Variants in MACROD2 observed in about 807,000 individuals in gnomAD.
MACROD2 encodes the protein ADP-ribose glycohydrolase MACROD2.
Under a neutral mutation model 70.4 loss-of-function variants are expected in MACROD2, and 36 were observed. The observed-to-expected ratio is 0.51, with a 90% confidence interval of 0.39 to 0.68. The LOEUF (loss-of-function observed/expected upper bound fraction) is 0.68, where lower values mean the gene tolerates loss of function less well. MACROD2 is among the 30% of genes least tolerant of loss of function. The pLI is 0.00. For synonymous variants in MACROD2, 172 were observed against 178.8 expected, an observed-to-expected ratio of 0.96 and a Z score of 0.30; for missense variants, 496 against 538.4, an observed-to-expected ratio of 0.92 and a Z score of 0.78.
At chr20:14,056,860 T>C (rs2053636082) in intron 2 of MACROD2, among the ~76,000 whole-genome samples, 1 of 151,974 alleles carries the variant, frequency 6.6e-6, no homozygotes. Flanking sequence ...AGCTATCATG[T>C]ATTTATGATA....
chr20:16,042,644 G>A (rs1320792765), intron 16 of MACROD2, among the ~76,000 whole-genome samples: 1 of 152,008 alleles, frequency 6.6e-6, no homozygotes, highest in Non-Finnish European at 1.5e-5. Context: ...AACAGAAAAG[G>A]AATACTCTCC....
At chr20:15,180,581 A>T (rs890053946) in intron 5 of MACROD2, among the ~76,000 whole-genome samples, 2 of 152,310 alleles carry the variant, frequency 1.3e-5, no homozygotes, top group African/African-American at 4.8e-5. Flanking sequence ...GGGCCTTTGC[A>T]TGCACCGTGC....
chr20:15,632,144 A>G (rs2049299940), intron 8 of MACROD2, among the ~76,000 whole-genome samples: 1 of 151,898 alleles, frequency 6.6e-6, no homozygotes, highest in African/African-American at 2.4e-5. Context: ...AGCTTGAGCG[A>G]GTTTGAGCGA....
At chr20:15,629,376 TTAAC>T (rs1482751605) in intron 8 of MACROD2, among the ~76,000 whole-genome samples, 1 of 152,232 alleles carries the variant, frequency 6.6e-6, no homozygotes, top group African/African-American at 2.4e-5. Context: ...CATTCTCTGC[TTAAC>T]TAACTCTCTA....
At chr20:14,311,336 A>G (rs533748142) in intron 3 of MACROD2, among the ~76,000 whole-genome samples, 3 of 152,306 alleles carry the variant, frequency 2.0e-5, no homozygotes, top group South Asian at 2.1e-4. Context: ...TCAGTATAGT[A>G]ACATGCGGTA....
At chr20:15,730,519 C>G (rs548949211) in intron 8 of MACROD2, among the ~76,000 whole-genome samples, 8 of 152,298 alleles carry the variant, frequency 5.3e-5, no homozygotes, top group African/African-American at 1.9e-4. Flanking sequence ...AGCCCTCAAT[C>G]TCTTCTGGCT....
At chr20:14,021,443 T>A (rs1601122850) in intron 2 of MACROD2, among the ~76,000 whole-genome samples, 1 of 152,182 alleles carries the variant, frequency 6.6e-6, no homozygotes, top group East Asian at 1.9e-4. Context: ...AGTTTTGTGT[T>A]AGGCTAAATA....
At chr20:15,860,162 C>G (rs899930952) in intron 8 of MACROD2, among the ~76,000 whole-genome samples, 7 of 152,042 alleles carry the variant, frequency 4.6e-5, no homozygotes, top group African/African-American at 1.7e-4. Flanking sequence ...CAAAAAAGTA[C>G]ACTTAGCAGA....
At chr20:16,005,495 A>T (rs1273894990) in intron 15 of MACROD2, among the ~76,000 whole-genome samples, 1 of 152,176 alleles carries the variant, frequency 6.6e-6, no homozygotes, top group Non-Finnish European at 1.5e-5. Flanking sequence ...CTGACATCAG[A>T]GAGAGCGTAC....
intron 8 of MACROD2, among the ~76,000 whole-genome samples, chr20:15,591,539 C>T (rs1409020024): frequency 7.9e-6 from 1 of 127,070 alleles, no homozygotes; most frequent in African/African-American, 3.0e-5. Flanking sequence ...TGAGTTCATT[C>T]ACAGCCAACT....
At chr20:14,675,370 A>G (rs561255815) in intron 4 of MACROD2, among the ~76,000 whole-genome samples, 2 of 152,322 alleles carry the variant, frequency 1.3e-5, no homozygotes, top group East Asian at 3.9e-4. Flanking sequence ...AAGAAACCCT[A>G]CAAGCCAGAA....
chr20:15,047,815 C>T (rs1271975546), intron 5 of MACROD2, among the ~76,000 whole-genome samples: 3 of 152,094 alleles, frequency 2.0e-5, no homozygotes, highest in Non-Finnish European at 4.4e-5. Context: ...GTTTCCTTTG[C>T]TTTTATTACA....
intron 6 of MACROD2, among the ~76,000 whole-genome samples, chr20:15,363,870 G>A (rs1204038926): frequency 1.3e-5 from 2 of 152,240 alleles, no homozygotes; most frequent in Non-Finnish European, 1.5e-5. Context: ...TCTGTGGGGG[G>A]CTAGCGGATG....
At chr20:15,921,985 C>T (rs6034328) in intron 10 of MACROD2, among the ~76,000 whole-genome samples, 129,069 of 152,226 alleles carry the variant, frequency 0.85, 55,891 homozygotes, top group Non-Finnish European at 0.95. Context: ...TGTTCGCCCC[C>T]TCCTGTCCGT....
intron 5 of MACROD2, among the ~76,000 whole-genome samples, chr20:15,221,285 C>G (rs571821366): frequency 6.6e-6 from 1 of 152,288 alleles, no homozygotes; most frequent in African/African-American, 2.4e-5. Context: ...TTTGGACCTT[C>G]ACCTCCTCTC....
chr20:14,892,414 G>A (rs1362885368), intron 5 of MACROD2, among the ~76,000 whole-genome samples: 1 of 152,018 alleles, frequency 6.6e-6, no homozygotes, highest in Non-Finnish European at 1.5e-5. Context: ...GGTGGAGGTG[G>A]CAGTGACATT....
chr20:14,385,330 TAC>T (rs2083458336), intron 3 of MACROD2, among the ~76,000 whole-genome samples: 2 of 152,176 alleles, frequency 1.3e-5, no homozygotes, highest in African/African-American at 2.4e-5. Context: ...TTTATCAAAT[TAC>T]AGTTTTATTG....
intron 15 of MACROD2, among the ~76,000 whole-genome samples, chr20:16,035,782 A>AGC (rs745406992): frequency 0.8 from 112,369 of 139,650 alleles, 43,351 homozygotes; most frequent in Non-Finnish European, 0.86. Context: ...AAGTGTATCC[A>AGC]TCCACATGAG....
chr20:15,718,073 T>A (rs1349495381), intron 8 of MACROD2, among the ~76,000 whole-genome samples: 1 of 149,438 alleles, frequency 6.7e-6, no homozygotes, highest in Non-Finnish European at 1.5e-5. Flanking sequence ...CAGGCTGGAG[T>A]GCAGTGGTAC....
Sources: gnomAD v4.1 joint callset for allele counts (sites outside exome capture counted in the v4.1 genomes callset) on GRCh38, gnomAD v4.1.1 for gene constraint, MANE v1.5 for transcripts, NCBI Gene and HGNC (gene_info 2026-07-23, HGNC 2026-07-21) for gene names.